The following MUC6 variants were observed in gnomAD, a reference collection of about 807,000 sequenced individuals.
MUC6 encodes mucin-6.
A neutral mutation model predicts 201.5 loss-of-function variants in MUC6; 188 were observed. That is an observed-to-expected ratio of 0.93 (90% CI 0.83 to 1.05). The LOEUF (loss-of-function observed/expected upper bound fraction) is 1.05, where lower values mean the gene tolerates loss of function less well. Ranked by LOEUF, MUC6 falls within the 50% of genes least tolerant of loss-of-function variation. The pLI, the probability that MUC6 is intolerant of heterozygous loss-of-function variation, is 0.00. For missense variants in MUC6, 2,706 were observed against 3,256.9 expected (o/e 0.83, Z 4.12); for synonymous variants, 1,228 against 1,389.4 (o/e 0.88, Z 2.58).
In MUC6 at chr11:1,025,882, A is replaced by C. The variant is rs1564840745; in HGVS notation, c.2722T>G (p.Phe908Val). 2 of 1,612,608 alleles carry C rather than the reference A, an allele frequency of 1.2e-6. No individual in the cohort carries two copies. Among genetic ancestry groups the C allele is most frequent in the Non-Finnish European group, 1.7e-6 (2 of 1,179,614 alleles). The change falls in exon 22 of 33, where the codon TTC (phenylalanine) becomes GTC (valine). Residue 908 changes from phenylalanine to valine, a missense_variant. By Grantham distance (50) the Phe-to-Val change is conservative. Transcript: ENST00000421673. ...ATGACGTTCTCTGTCAGGATCTTGAAGGTGGGCTGTGAGTCGTTGACACCA... is the reference window on the plus strand; with the variant it reads ...ATGACGTTCTCTGTCAGGATCTTGACGGTGGGCTGTGAGTCGTTGACACCA... ...VCGVNDSQPT[F>V]KILTENVICG...
At chr11:1,019,219 G>A (rs1856752096) in intron 30 of MUC6, 56 bp downstream of exon 30, 3 of 1,542,340 alleles carry the variant, frequency 1.9e-6, no homozygotes, top group East Asian at 2.3e-5. Flanking sequence ...AATGTGAGCT[G>A]GTGGTGGGAC....
intron 26 of MUC6, among the ~76,000 whole-genome samples, chr11:1,022,149 A>ACTCGCTTGCTCTGCCCTCTGCAGCCCCG (rs1856826455): frequency 1.6e-5 from 1 of 62,122 alleles, no homozygotes; most frequent in African/African-American, 6.8e-5. Context: ...TCTGCAGCCC[A>ACTCGCTTGCTCTGCCCTCTGCAGCCCCG]CGCCCCTCAC....
At chr11:1,022,110 C>G (rs1213036496) in intron 26 of MUC6, among the ~76,000 whole-genome samples, 1 of 150,176 alleles carries the variant, frequency 6.7e-6, no homozygotes, top group Non-Finnish European at 1.5e-5. Context: ...CTGCCCTCTG[C>G]AGCCCCGCGC....
At position 1,033,906 on chromosome 11, in the gene MUC6, A is replaced by T. The variant is rs1264847930; in HGVS notation, c.53-831T>A. The stretch of plus-strand genomic sequence containing the variant: ...TCTCCAGGCCCTTCTTGGGGCCGGG[A>T]CCCTCCTTGCCCCTGCCCATTGGTT... On this transcript the variant is annotated intron_variant, in intron 1 of 32. Coordinates refer to ENST00000421673, the MANE Select transcript of MUC6 (RefSeq NM_005961.3). The surrounding 1 kb of genome is among the most constrained non-coding windows in gnomAD (Gnocchi z 5.6). Among the ~76,000 whole-genome samples the T allele has an allele frequency of 6.6e-6, 1 of 150,622 alleles. No individual in the cohort carries two copies. Among genetic ancestry groups the T allele is most frequent in the Non-Finnish European group, 1.5e-5 (1 of 67,680 alleles).
Position 1,013,838 on chromosome 11 carries a change from CTG to C in MUC6, c.7142+59_7142+60del, listed in dbSNP as rs773782256. The C allele has an allele frequency of 3.0e-5, 46 of 1,530,890 alleles. No individual in the cohort carries two copies. The Middle Eastern group carries it at 8.3e-4, about 28-fold the overall frequency. 94.8% of individuals were successfully genotyped at this position (1,530,890 alleles called of 1,614,324 possible). A position where few individuals can be genotyped will look rare whatever the true frequency, so the allele number is the denominator to read the frequency against. On this transcript the variant is annotated intron_variant, in intron 32 of 32. Transcript: ENST00000421673. ...GCCTGGGTGGGGTGCCCGAACCTCT[CTG>C]GGGTGGGGTTGTGAGCACCTTGGTG...
chr11:1,014,354 C>T (rs1391360281), intron 31 of MUC6, among the ~76,000 whole-genome samples: 2 of 152,216 alleles, frequency 1.3e-5, no homozygotes. Flanking sequence ...TGGGCATGGG[C>T]CTCTCTGGTT....
chr11:1,025,972 C>A, intron 21 of MUC6, 28 bp downstream of exon 21: 1 of 1,589,276 alleles, frequency 6.3e-7, no homozygotes, highest in Non-Finnish European at 8.6e-7. Context: ...GGGTCCCCGG[C>A]CCCTGCGGCC....
chr11:1,026,458 A>G lies in MUC6; in HGVS notation c.2415T>C (p.Pro805=). The G allele has an allele frequency of 6.3e-7, 1 of 1,599,292 alleles. No homozygotes were observed. Among genetic ancestry groups the G allele is most frequent in the Middle Eastern group, 1.7e-4 (1 of 5,872 alleles). Residue 805 remains proline (P), a synonymous_variant, in exon 20 of 33, where the codon CCT becomes CCC. Transcript: ENST00000421673. Reference sequence around the variant, plus strand: ...AGAGGCCCTCGGCGCAGACACAGCCAGGCTCACACTTGGTGGGCACCTGGA... The same window carrying G: ...AGAGGCCCTCGGCGCAGACACAGCCGGGCTCACACTTGGTGGGCACCTGGA... The part of the protein sequence containing the change: ...GVACVPTKCE[P]GCVCAEGLYE...
intron 19 of MUC6, 60 bp from the exon 20 acceptor site, chr11:1,026,538 C>A: frequency 4.1e-6 from 6 of 1,471,576 alleles, no homozygotes; most frequent in South Asian, 1.4e-5. Context: ...GCTGCCCAGC[C>A]CTGGGCCCCT....
At position 1,033,397 on chromosome 11, in the gene MUC6, G is replaced by C. The variant is rs1384221611; in HGVS notation, c.53-322C>G. On this transcript the variant is annotated intron_variant, in intron 1 of 32. Transcript: ENST00000421673. The surrounding 1 kb of genome is among the most constrained non-coding windows in gnomAD (Gnocchi z 5.6). ...GGGTACTCATCCCTGGGGCTTCTGG[G>C]TGGGGCTAGGAGGGGCTGGTGCGGG... Among the ~76,000 whole-genome samples the C allele has an allele frequency of 6.6e-6, 1 of 152,146 alleles. No individual in the cohort carries two copies. The highest frequency in any genetic ancestry group is 2.1e-4 in the South Asian group (1 of 4,838).
At chr11:1,032,511 G>A (rs1590055819) in intron 2 of MUC6, among the ~76,000 whole-genome samples, 1 of 151,510 alleles carries the variant, frequency 6.6e-6, no homozygotes, top group South Asian at 2.1e-4. Context: ...TTCGGGGTGT[G>A]TATGTGTGTG....
In MUC6 at chr11:1,026,398, C is replaced by G. The variant is rs779858158; in HGVS notation, c.2475G>C (p.Glu825Asp). 5 of 1,608,998 alleles carry G rather than the reference C, an allele frequency of 3.1e-6. No individual in the cohort carries two copies. Among genetic ancestry groups the G allele is most frequent in the Non-Finnish European group, 4.2e-6 (5 of 1,178,458 alleles). Residue 825 changes from glutamate (E) to aspartate (D), a missense_variant, in exon 20 of 33, where the codon GAG becomes GAC. Physicochemically the swap from Glu to Asp is conservative, Grantham distance 45 (BLOSUM62 2). Around this residue, in one of 10 missense-constraint regions of MUC6, gnomAD observed 1,850 missense variants for 1,958.3 expected, o/e 0.94. Transcript: ENST00000421673. ...CCCCCGAGAACTCACATGGGCACTC[C>G]TCGGGGGGCACACACTGCCCGTCGG... Reference protein sequence around the residue: ...ENADGQCVPPEECPCEFSGVS... With the variant: ...ENADGQCVPPDECPCEFSGVS...
intron 31 of MUC6, among the ~76,000 whole-genome samples, chr11:1,014,675 G>A (rs1175619325): frequency 1.3e-5 from 2 of 152,196 alleles, no homozygotes; most frequent in East Asian, 3.8e-4. Context: ...AAGGAGTCCT[G>A]GGGTAAAGGC....
rs751508239 is a variant in MUC6 at position 1,019,263 on chromosome 11, G to T, written c.4030+12C>A. 1.2e-6 allele frequency: 2 copies of T among 1,613,044 alleles called. No homozygotes were observed. Among genetic ancestry groups the T allele is most frequent in the South Asian group, 1.1e-5 (1 of 91,038 alleles). On this transcript the variant is annotated intron_variant, in intron 30 of 32. Coordinates refer to ENST00000421673, the MANE Select transcript of MUC6 (RefSeq NM_005961.3). ...TTCGGCAGTGCTGGCATCCCATGGCGCCATGACTTACGCAGCGTGGGGCTT... is the reference window on the plus strand; with the variant it reads ...TTCGGCAGTGCTGGCATCCCATGGCTCCATGACTTACGCAGCGTGGGGCTT...
Position 1,027,011 on chromosome 11 carries a change from TG to T in MUC6, c.2323del (p.Gln775SerfsTer137), listed in dbSNP as rs1856976596. Reference sequence around the variant, plus strand: ...TGCCCCAAACTTGTTCTCGGAGGACTGGCTGCAGGACTTGAAGGTCTTAGGG... The same window carrying T: ...TGCCCCAAACTTGTTCTCGGAGGACTGCTGCAGGACTTGAAGGTCTTAGGG... Reference protein sequence around the residue: ...QAPKTFKSCSQSSENKFGAAC... With the variant: ...QAPKTFKSCSXSSENKFGAAC... On this transcript the variant is annotated frameshift_variant, in exon 19 of 33. Transcript: ENST00000421673. LOFTEE classifies it high-confidence loss of function. The T allele has an allele frequency of 1.9e-6, 3 of 1,602,908 alleles. No homozygotes were observed. The East Asian group carries it at 6.8e-5, about 36-fold the overall frequency.
intron 26 of MUC6, among the ~76,000 whole-genome samples, chr11:1,022,187 C>T (rs12281858): frequency 0.45 from 61,315 of 135,582 alleles, 15,314 homozygotes; most frequent in Admixed American, 0.62. Flanking sequence ...TACAGCCCCG[C>T]GCCCCTCACT....
rs1458085029 is a variant in MUC6, at chr11:1,030,856, G to T, written c.685-76C>A. On this transcript the variant is annotated intron_variant, in intron 6 of 32. Coordinates refer to ENST00000421673, the MANE Select transcript of MUC6 (RefSeq NM_005961.3). ...CACGACTGGGGAGGTCGGGCAGGGC[G>T]TCTGTGATGCGGCTGCTTGTGGGGG... The T allele has an allele frequency of 2.0e-6, 3 of 1,527,194 alleles. No homozygotes were observed. The African/African-American group carries it at 4.1e-5, about 21-fold the overall frequency. 94.6% of individuals were successfully genotyped at this position (1,527,194 alleles called of 1,614,324 possible).
chr11:1,024,966 G>A lies in MUC6; in HGVS notation c.3103C>T (p.Pro1035Ser). 1 of 1,613,136 alleles carries A rather than the reference G, an allele frequency of 6.2e-7. No homozygotes were observed. The highest frequency in any genetic ancestry group is 8.5e-7 in the Non-Finnish European group (1 of 1,179,886). Residue 1035 changes from proline to serine, a missense_variant, in exon 24 of 33, where the codon CCG (proline) becomes TCG (serine). This residue lies in a region of MUC6 where 1,850 missense variants were observed against 1,958.3 expected (regional missense o/e 0.94). Coordinates refer to ENST00000421673, the MANE Select transcript of MUC6 (RefSeq NM_005961.3). ...ACGAAGCTCACGTCCCCGCACAGCGGGCTCTCCTTCCACGAGTTCACCAAC... is the reference window on the plus strand; with the variant it reads ...ACGAAGCTCACGTCCCCGCACAGCGAGCTCTCCTTCCACGAGTTCACCAAC... Reference protein sequence around the residue: ...LELVNSWKESPLCGDVSFVTD... With the variant: ...LELVNSWKESSLCGDVSFVTD...
intron 26 of MUC6, among the ~76,000 whole-genome samples, chr11:1,022,765 G>T (rs1183610788): frequency 6.6e-6 from 1 of 152,226 alleles, no homozygotes; most frequent in Non-Finnish European, 1.5e-5. Context: ...GTGAAAGAAT[G>T]AATGTGCAAA....
Sources: gnomAD v4.1 joint callset for allele counts (sites outside exome capture counted in the v4.1 genomes callset) on GRCh38, gnomAD v4.1.1 for gene constraint, gnomAD v4.1.1 regional missense constraint, Gnocchi (gnomAD v3.1) non-coding constraint, MANE v1.5 for transcripts, NCBI Gene and HGNC (gene_info 2026-07-23, HGNC 2026-07-21) for gene names.